The following WDR5 variants were observed in gnomAD, a reference collection of about 807,000 sequenced individuals.
WDR5 encodes WD repeat domain 5.
For synonymous variants in WDR5, 144 were observed against 161.6 expected, an observed-to-expected ratio of 0.89 and a Z score of 0.83; for missense variants, 187 against 416.9, an observed-to-expected ratio of 0.45 and a Z score of 4.80.
intron 7 of WDR5, among the ~76,000 whole-genome samples, chr9:134,143,212 C>T (rs1368168445): frequency 4.6e-5 from 7 of 152,192 alleles, no homozygotes; most frequent in Non-Finnish European, 8.8e-5. Flanking sequence ...CACAGGGACA[C>T]GTCCTGCCAT....
intron 9 of WDR5, among the ~76,000 whole-genome samples, chr9:134,153,307 G>A (rs775570097): frequency 6.6e-6 from 1 of 152,202 alleles, no homozygotes; most frequent in Non-Finnish European, 1.5e-5. Context: ...ATTCCAGCCT[G>A]GGCGCCCCTG....
intron 7 of WDR5, among the ~76,000 whole-genome samples, chr9:134,147,658 C>T (rs1832274111): frequency 6.6e-6 from 1 of 152,124 alleles, no homozygotes; most frequent in Admixed American, 6.5e-5. Context: ...TTGATTTCAC[C>T]CAGGAAATGT....
Position 134,140,698 on chromosome 9 carries a change from T to C in WDR5, c.82-5T>C. On this transcript the variant is annotated splice_region_variant and splice_polypyrimidine_tract_variant and intron_variant, in intron 2 of 13. Transcript: ENST00000358625. ...TGACTTTTTGCTAACTGGTCTTTCCTGCAGCCTACACCTGTGAAGCCAAAC... is the reference window on the plus strand; with the variant it reads ...TGACTTTTTGCTAACTGGTCTTTCCCGCAGCCTACACCTGTGAAGCCAAAC... 1 of 1,613,894 alleles carries C rather than the reference T, an allele frequency of 6.2e-7. No individual in the cohort carries two copies. Among genetic ancestry groups the C allele is most frequent in the Non-Finnish European group, 8.5e-7 (1 of 1,179,750 alleles).
chr9:134,155,323 CT>C lies in WDR5; in HGVS notation c.708-16del, dbSNP rs1164430437. The C allele has an allele frequency of 2.5e-6, 4 of 1,592,952 alleles. No homozygotes were observed. Among genetic ancestry groups the C allele is most frequent in the Non-Finnish European group, 3.4e-6 (4 of 1,171,298 alleles). ...TGCCTCCAGACATGCCGCCTCACCC[CT>C]CTCTCTGTCTTGCAGCACTCTGAAG... On this transcript the variant is annotated splice_polypyrimidine_tract_variant and intron_variant, in intron 10 of 13. Coordinates refer to ENST00000358625, the MANE Select transcript of WDR5 (RefSeq NM_017588.3).
At chr9:134,142,102 G>T in intron 5 of WDR5, 64 bp downstream of exon 5, 1 of 1,484,632 alleles carries the variant, frequency 6.7e-7, no homozygotes. Context: ...CAGGTGCGGG[G>T]GACTGAGTTG....
chr9:134,143,595 C>T (rs183353895), intron 7 of WDR5, among the ~76,000 whole-genome samples: 1,564 of 149,204 alleles, frequency 0.01, 18 homozygotes, highest in Middle Eastern at 0.027. Context: ...GTTGCGATCT[C>T]GGCTCACTGC....
At chr9:134,136,683 C>T (rs925840812) in intron 1 of WDR5, among the ~76,000 whole-genome samples, 1 of 152,194 alleles carries the variant, frequency 6.6e-6, no homozygotes, top group Non-Finnish European at 1.5e-5. Flanking sequence ...TAGGTGGGGT[C>T]CTGGGGTGCG....
In WDR5 at chr9:134,157,931, A is replaced by C. The variant is rs771689080; in HGVS notation, c.943A>C (p.Ile315Leu). The C allele has an allele frequency of 6.2e-7, 1 of 1,614,208 alleles. No homozygotes were observed. The highest frequency in any genetic ancestry group is 8.5e-7 in the Non-Finnish European group (1 of 1,180,024). ...AACAGCTTGTCACCCAACAGAAAAC[A>C]TCATCGCCTCTGCTGCGCTAGAAAA... The part of the protein sequence containing the change: ...ISTACHPTEN[I>L]IASAALENDK... The change falls in exon 14 of 14, where the codon ATC becomes CTC. Residue 315 changes from isoleucine to leucine, a missense_variant. Ile to Leu is a conservative substitution (Grantham distance 5). Transcript: ENST00000358625. This position sits in a 1 kb window ranked among gnomAD's most constrained non-coding sequence, Gnocchi z 5.0.
rs201411315 is a variant in WDR5, at chr9:134,139,696, GGTTT to G, written c.-58-118_-58-115del. 8.6e-3 allele frequency: 5,480 copies of G among 640,402 alleles called. 211 individuals are homozygous for G. In the African/African-American group the frequency reaches 0.087, roughly 10 times the overall value. The allele number at this position is 640,402 out of a possible 1,614,324, so 39.7% of individuals were successfully genotyped here. ...ATTAATAGGGTCCTCAATTTGGAAT[GGTTT>G]GTTTGCTACAGGGCTCAATATGGTA... On this transcript the variant is annotated intron_variant, in intron 1 of 13. Transcript: ENST00000358625.
chr9:134,156,718 C>G, intron 13 of WDR5, 125 bp downstream of exon 13: 4 of 896,620 alleles, frequency 4.5e-6, no homozygotes, highest in Non-Finnish European at 5.1e-6. Flanking sequence ...CTCCGCTGGC[C>G]CCGCTGAGGA....
At chr9:134,143,431 C>T (rs1339895826) in intron 7 of WDR5, among the ~76,000 whole-genome samples, 1 of 152,138 alleles carries the variant, frequency 6.6e-6, no homozygotes, top group African/African-American at 2.4e-5. Context: ...ATCCCAGCTC[C>T]TGGGGAGGCT....
chr9:134,144,174 C>A (rs1344017600), intron 7 of WDR5, among the ~76,000 whole-genome samples: 2 of 152,230 alleles, frequency 1.3e-5, no homozygotes, highest in East Asian at 3.8e-4. Flanking sequence ...GGTCTGAGCC[C>A]CGCACATAGC....
intron 3 of WDR5, 27 bp downstream of exon 3, chr9:134,140,838 C>T (rs771481559): frequency 1.2e-5 from 19 of 1,598,328 alleles, no homozygotes; most frequent in Middle Eastern, 3.3e-4. Context: ...CCCTTAGCTG[C>T]TGGGAGAGGC....
chr9:134,158,679 T>C lies in WDR5; in HGVS notation c.*686T>C, dbSNP rs1832861739. On this transcript the variant is annotated 3_prime_UTR_variant, in exon 14 of 14. Coordinates refer to ENST00000358625, the MANE Select transcript of WDR5 (RefSeq NM_017588.3). The stretch of plus-strand genomic sequence containing the variant: ...GCAGACTGTAATAAAAGGTGGGGTT[T>C]TGTGAATGGTTGTGGCAAGTGCGTC... 6.6e-6 allele frequency: 1 copy of C among 152,228 alleles called. No homozygotes were observed. Among genetic ancestry groups the C allele is most frequent in the Admixed American group, 6.5e-5 (1 of 15,276 alleles). The allele number at this position is 152,228 out of a possible 1,614,324, so 9.4% of individuals were successfully genotyped here.
At chr9:134,139,726 G>T in intron 1 of WDR5, 94 bp from the exon 2 acceptor site, 1 of 789,550 alleles carries the variant, frequency 1.3e-6, no homozygotes, top group Non-Finnish European at 2.0e-6. Context: ...CAATATGGTA[G>T]TCAAATGTTT....
chr9:134,155,825 C>A, intron 12 of WDR5, 58 bp downstream of exon 12: 2 of 1,525,032 alleles, frequency 1.3e-6, no homozygotes, highest in South Asian at 2.3e-5. Flanking sequence ...CCCGAGAGGT[C>A]ACACCTGTTA....
At chr9:134,155,565 T>C in intron 11 of WDR5, 128 bp from the exon 12 acceptor site, 2 of 1,261,996 alleles carry the variant, frequency 1.6e-6, no homozygotes, top group South Asian at 2.8e-5. Flanking sequence ...TTCGATTGTG[T>C]GGGTTTGGTA....
chr9:134,140,126 G>A (rs1249138463), intron 2 of WDR5, among the ~76,000 whole-genome samples, 168 bp downstream of exon 2: 1 of 152,216 alleles, frequency 6.6e-6, no homozygotes, highest in African/African-American at 2.4e-5. Context: ...TGCTGTGTCA[G>A]GGATCCCAAA....
intron 12 of WDR5, 72 bp downstream of exon 12, chr9:134,155,839 G>C (rs1367283342): frequency 4.2e-6 from 6 of 1,444,462 alleles, no homozygotes; most frequent in Non-Finnish European, 5.8e-6. Flanking sequence ...CCTGTTACAG[G>C]TTGCTTTATA....
Sources: allele counts gnomAD v4.1 joint callset (sites outside exome capture counted in the v4.1 genomes callset), GRCh38; gene constraint gnomAD v4.1.1; non-coding constraint Gnocchi (gnomAD v3.1); transcripts MANE v1.5; gene names NCBI Gene and HGNC (gene_info 2026-07-23, HGNC 2026-07-21).